Variants in CNST observed in about 807,000 individuals in gnomAD.
The protein encoded by CNST is consortin, connexin sorting protein.
A neutral mutation model predicts 72.4 loss-of-function variants in CNST; 39 were observed. The observed-to-expected ratio is 0.54, with a 90% CI of 0.42 to 0.70. The LOEUF is 0.70. Among genes scored for constraint, CNST ranks in the 30% least tolerant of loss-of-function variants. The pLI is 0.00. For synonymous variants in CNST, 332 were observed against 320.1 expected, an observed-to-expected ratio of 1.04 and a Z score of -0.40; for missense variants, 871 against 868.5, an observed-to-expected ratio of 1.00 and a Z score of -0.04.
chr1:246,641,597 A>G, intron 6 of CNST, 152 bp from the exon 7 acceptor site: 1 of 590,020 alleles, frequency 1.7e-6, no homozygotes, highest in South Asian at 1.8e-5. Context: ...TATGTGAGCC[A>G]GTGGTAATGT....
intron 1 of CNST, among the ~76,000 whole-genome samples, chr1:246,574,868 A>G (rs1358112029): frequency 6.6e-6 from 1 of 152,190 alleles, no homozygotes; most frequent in Non-Finnish European, 1.5e-5. Context: ...ATGTAAAAGC[A>G]TCATTTTTAG....
intron 6 of CNST, among the ~76,000 whole-genome samples, chr1:246,636,284 A>T (rs1324849754): frequency 6.6e-6 from 1 of 152,054 alleles, no homozygotes; most frequent in South Asian, 2.1e-4. Context: ...CACTTGCGGG[A>T]TATGCACGCC....
intron 1 of CNST, among the ~76,000 whole-genome samples, chr1:246,569,288 TA>T (rs1004871639): frequency 6.6e-6 from 1 of 152,226 alleles, no homozygotes; most frequent in Non-Finnish European, 1.5e-5. Flanking sequence ...TGAGATATTT[TA>T]CATTATTTGA....
rs1325978805 is a variant in CNST at position 246,667,489 on chromosome 1, T to G, written c.*1584T>G. 6.6e-6 allele frequency: 1 copy of G among 152,090 alleles called. No individual in the cohort carries two copies. The highest frequency in any genetic ancestry group is 1.5e-5 in the Non-Finnish European group (1 of 68,044). 9.4% of individuals were successfully genotyped at this position (152,090 alleles called of 1,614,324 possible). On this transcript the variant is annotated 3_prime_UTR_variant, in exon 11 of 11. Coordinates refer to ENST00000366513, the MANE Select transcript of CNST (RefSeq NM_152609.3). Reference sequence around the variant, plus strand: ...CACTTATAATACTGTTTGACTTGTCTCTATCATGTCACCATAAACTGTAAT... The same window carrying G: ...CACTTATAATACTGTTTGACTTGTCGCTATCATGTCACCATAAACTGTAAT...
chr1:246,596,158 ATAAT>A (rs1263425789), intron 2 of CNST, among the ~76,000 whole-genome samples: 1 of 152,142 alleles, frequency 6.6e-6, no homozygotes, highest in African/African-American at 2.4e-5. Context: ...GCTCATGCCT[ATAAT>A]TGTAGCACTT....
At chr1:246,597,413 C>G (rs1661962948) in intron 2 of CNST, among the ~76,000 whole-genome samples, 1 of 152,194 alleles carries the variant, frequency 6.6e-6, no homozygotes, top group Admixed American at 6.5e-5. Context: ...GTGGCTACCA[C>G]TGTCCCATAA....
intron 10 of CNST, among the ~76,000 whole-genome samples, chr1:246,663,040 C>T (rs376275954): frequency 6.6e-6 from 1 of 152,064 alleles, no homozygotes; most frequent in South Asian, 2.1e-4. Context: ...GGGTAGGAAT[C>T]ATGTTAAGAA....
intron 1 of CNST, among the ~76,000 whole-genome samples, chr1:246,567,776 A>T (rs923234686): frequency 6.6e-6 from 1 of 152,072 alleles, no homozygotes; most frequent in East Asian, 1.9e-4. Flanking sequence ...TTTTTCGTAC[A>T]GTTTTCTCAC....
chr1:246,579,331 A>G (rs1660643851), intron 1 of CNST, among the ~76,000 whole-genome samples: 2 of 152,102 alleles, frequency 1.3e-5, no homozygotes, highest in East Asian at 1.9e-4. Context: ...CTTGTTGCCC[A>G]TTAGGTTCTG....
chr1:246,613,635 T>A (rs534943944), intron 2 of CNST, among the ~76,000 whole-genome samples: 4 of 126,158 alleles, frequency 3.2e-5, no homozygotes, highest in African/African-American at 1.2e-4. Flanking sequence ...GGCCTTTTTT[T>A]ATTCTTTCTT....
chr1:246,601,895 A>C (rs114127470), intron 2 of CNST, among the ~76,000 whole-genome samples: 2,632 of 152,284 alleles, frequency 0.017, 79 homozygotes, highest in African/African-American at 0.06. Context: ...TGTGGAATGG[A>C]ATGGAGAGAG....
chr1:246,632,256 C>A (rs1664817769), intron 4 of CNST: 3 of 292,396 alleles, frequency 1.0e-5, no homozygotes, highest in Non-Finnish European at 2.0e-5. Context: ...TACATTTAAC[C>A]CAGTTTAGCG....
At chr1:246,643,149 C>G (rs1280193371) in intron 8 of CNST, among the ~76,000 whole-genome samples, 7 of 151,990 alleles carry the variant, frequency 4.6e-5, no homozygotes, top group Non-Finnish European at 8.8e-5. Context: ...ACCTCAGCCC[C>G]ACAAAGTCCT....
At chr1:246,652,304 A>G (rs766333569) in intron 9 of CNST, among the ~76,000 whole-genome samples, 2 of 152,210 alleles carry the variant, frequency 1.3e-5, no homozygotes, top group Non-Finnish European at 2.9e-5. Flanking sequence ...GAAATGTGCC[A>G]TGTAAACTCA....
At chr1:246,614,147 T>A (rs1160429072) in intron 2 of CNST, among the ~76,000 whole-genome samples, 1 of 152,128 alleles carries the variant, frequency 6.6e-6, no homozygotes, top group African/African-American at 2.4e-5. Flanking sequence ...TTATGGAATA[T>A]TCGCATATAT....
At chr1:246,605,667 TGC>T (rs1662692950) in intron 2 of CNST, among the ~76,000 whole-genome samples, 1 of 149,876 alleles carries the variant, frequency 6.7e-6, no homozygotes, top group Non-Finnish European at 1.5e-5. Flanking sequence ...CCGGCCGGGG[TGC>T]GTGTCTTCCG....
chr1:246,567,581 AT>A (rs1353638943), intron 1 of CNST, among the ~76,000 whole-genome samples: 1 of 152,220 alleles, frequency 6.6e-6, no homozygotes, highest in Non-Finnish European at 1.5e-5. Flanking sequence ...TTCCTAAGGA[AT>A]GTATCACCCA....
chr1:246,591,987 A>G, intron 2 of CNST, 46 bp downstream of exon 2: 1 of 1,444,052 alleles, frequency 6.9e-7, no homozygotes, highest in Non-Finnish European at 9.4e-7. Flanking sequence ...TTAATTAAAA[A>G]TGAACCTCCT....
intron 3 of CNST, among the ~76,000 whole-genome samples, chr1:246,630,208 C>T (rs957321024): frequency 6.6e-6 from 1 of 152,174 alleles, no homozygotes; most frequent in Non-Finnish European, 1.5e-5. Context: ...CAAGTTGGGG[C>T]TCTCCCCAAC....
Sources: gnomAD v4.1 joint callset for allele counts (sites outside exome capture counted in the v4.1 genomes callset) on GRCh38, gnomAD v4.1.1 for gene constraint, MANE v1.5 for transcripts, NCBI Gene and HGNC (gene_info 2026-07-23, HGNC 2026-07-21) for gene names.